Variants in PRKAG2 observed in about 807,000 individuals in gnomAD.
The protein encoded by PRKAG2 is protein kinase AMP-activated non-catalytic subunit gamma 2, also known as 5'-AMP-activated protein kinase subunit gamma-2.
A neutral mutation model predicts 69.6 loss-of-function variants in PRKAG2; 26 were observed. That is an observed-to-expected ratio of 0.37 (90% CI 0.27 to 0.52). PRKAG2 has a LOEUF of 0.52. PRKAG2 is among the 20% of genes least tolerant of loss of function. The pLI is 0.90. For synonymous variants in PRKAG2, 293 were observed against 285.0 expected (o/e 1.03, Z -0.28); for missense variants, 557 against 740.0 (o/e 0.75, Z 2.87).
At chr7:151,802,821 G>A (rs1313340305) in intron 1 of PRKAG2, among the ~76,000 whole-genome samples, 2 of 151,856 alleles carry the variant, frequency 1.3e-5, no homozygotes, top group Non-Finnish European at 1.5e-5. Context: ...TGACCTACAC[G>A]CTGTCCTGGG....
At position 151,800,227 on chromosome 7, in the gene PRKAG2, G is replaced by A. The variant is rs533507620; in HGVS notation, c.115-13686C>T. On this transcript the variant is annotated intron_variant, in intron 1 of 15. Coordinates refer to ENST00000287878, the MANE Select transcript of PRKAG2 (RefSeq NM_016203.4). ...CAAAAAATTAGCCAGGTGTGGTGGC[G>A]GGCACCTGTAGTCCAAGCTACTCGG... 1.1e-3 allele frequency among the ~76,000 whole-genome samples: 166 copies of A among 151,296 alleles called. 1 individual carries two copies. The highest frequency in any genetic ancestry group is 1.8e-3 in the Non-Finnish European group (125 of 67,646).
At position 151,642,672 on chromosome 7, in the gene PRKAG2, T is replaced by A. The variant is rs1227829787; in HGVS notation, c.685-10534A>T. 2.6e-5 allele frequency among the ~76,000 whole-genome samples: 4 copies of A among 152,264 alleles called. No homozygotes were observed. In the East Asian group the frequency reaches 7.7e-4, roughly 29 times the overall value. Reference sequence around the variant, plus strand: ...TCCTCCCTAACATTCATGATTTCTTTAAAGATAATTTATTCCACAGTATCT... The same window carrying A: ...TCCTCCCTAACATTCATGATTTCTTAAAAGATAATTTATTCCACAGTATCT... On this transcript the variant is annotated intron_variant, in intron 4 of 15. Transcript: ENST00000287878.
chr7:151,873,230 G>A (rs1327513886), intron 1 of PRKAG2, among the ~76,000 whole-genome samples: 1 of 152,180 alleles, frequency 6.6e-6, no homozygotes, highest in African/African-American at 2.4e-5. Context: ...GCCCGATTCT[G>A]TGGGGTGCTC....
chr7:151,793,516 G>A (rs1044855729), intron 1 of PRKAG2, among the ~76,000 whole-genome samples: 13 of 152,362 alleles, frequency 8.5e-5, no homozygotes, highest in East Asian at 5.8e-4. Flanking sequence ...GGAAAGCTGC[G>A]TGTGGCATCT....
Position 151,595,435 on chromosome 7 carries a change from A to C in PRKAG2, c.774T>G (p.Ser258Arg). ...ACCTCATGAATCGCATGTAAACACC[A>C]CTTTCTGAGTCTTCTACTGCTAAAA... ...FEDEAVEDSE[S>R]GVYMRFMRSH... The change falls in exon 6 of 16, where the codon AGT (serine) becomes AGG (arginine). Residue 258 changes from serine (S) to arginine (R), a missense_variant. Physicochemically the swap from Ser to Arg is moderately radical, Grantham distance 110 (BLOSUM62 -1). Transcript: ENST00000287878. 1 of 1,613,632 alleles carries C rather than the reference A, an allele frequency of 6.2e-7. No individual in the cohort carries two copies. Among genetic ancestry groups the C allele is most frequent in the East Asian group, 2.2e-5 (1 of 44,886 alleles).
chr7:151,727,570 C>CT (rs1312614127), intron 3 of PRKAG2, among the ~76,000 whole-genome samples: 3 of 152,206 alleles, frequency 2.0e-5, no homozygotes, highest in African/African-American at 4.8e-5. Flanking sequence ...GGGTTTGCTC[C>CT]TTTTTTCTGT....
At chr7:151,682,809 G>A (rs1214385374) in intron 3 of PRKAG2, among the ~76,000 whole-genome samples, 4 of 151,690 alleles carry the variant, frequency 2.6e-5, no homozygotes, top group Non-Finnish European at 4.4e-5. Context: ...GGGAAGAGGA[G>A]AGGGCCTGAG....
At chr7:151,613,414 C>T (rs1399301513) in intron 5 of PRKAG2, among the ~76,000 whole-genome samples, 2 of 152,128 alleles carry the variant, frequency 1.3e-5, no homozygotes, top group Non-Finnish European at 2.9e-5. Context: ...ATTAGGAATG[C>T]TCAACTGGTA....
At chr7:151,755,843 C>A (rs1418034182) in intron 3 of PRKAG2, among the ~76,000 whole-genome samples, 1 of 152,204 alleles carries the variant, frequency 6.6e-6, no homozygotes, top group Non-Finnish European at 1.5e-5. Context: ...CCCTCACGAG[C>A]CTTCCCAGTT....
At chr7:151,701,459 C>T (rs1837669101) in intron 3 of PRKAG2, among the ~76,000 whole-genome samples, 1 of 152,032 alleles carries the variant, frequency 6.6e-6, no homozygotes, top group African/African-American at 2.4e-5. Flanking sequence ...ATCCAGTGGC[C>T]GGTGTCTTTA....
chr7:151,691,933 G>A (rs973621441), intron 3 of PRKAG2, among the ~76,000 whole-genome samples: 9 of 152,138 alleles, frequency 5.9e-5, no homozygotes, highest in African/African-American at 2.2e-4. Flanking sequence ...TAATAAACTG[G>A]TACAGCACTT....
At chr7:151,715,322 C>CAAA (rs34971340) in intron 3 of PRKAG2, among the ~76,000 whole-genome samples, 10,581 of 62,388 alleles carry the variant, frequency 0.17, 1,583 homozygotes, top group Non-Finnish European at 0.23. Flanking sequence ...GGCCTAAAAG[C>CAAA]AAAAAAAAAA....
chr7:151,598,628 C>G (rs1815222091), intron 5 of PRKAG2, among the ~76,000 whole-genome samples: 1 of 150,590 alleles, frequency 6.6e-6, no homozygotes, highest in Non-Finnish European at 1.5e-5. Flanking sequence ...AAAGCAAATG[C>G]AAATAGAAAA....
At chr7:151,754,122 C>T (rs2074904008) in intron 3 of PRKAG2, among the ~76,000 whole-genome samples, 1 of 152,218 alleles carries the variant, frequency 6.6e-6, no homozygotes, top group Non-Finnish European at 1.5e-5. Flanking sequence ...CAAAGCAGGC[C>T]CTGAGAGAAC....
intron 1 of PRKAG2, among the ~76,000 whole-genome samples, chr7:151,838,157 T>G (rs746781343): frequency 3.4e-4 from 51 of 152,144 alleles, no homozygotes; most frequent in Non-Finnish European, 1.3e-4. Context: ...CCTTTATTTC[T>G]AGAAGCAACG....
intron 14 of PRKAG2, among the ~76,000 whole-genome samples, chr7:151,563,715 G>A (rs1805596805): frequency 6.6e-6 from 1 of 152,186 alleles, no homozygotes; most frequent in South Asian, 2.1e-4. Context: ...TATTAGCTAT[G>A]ACTACAGGTC....
intron 1 of PRKAG2, among the ~76,000 whole-genome samples, chr7:151,870,632 C>G (rs1018392329): frequency 6.6e-6 from 1 of 152,186 alleles, no homozygotes; most frequent in Non-Finnish European, 1.5e-5. Context: ...CCTCCAGCCC[C>G]GGGGCAGGAC....
At chr7:151,651,678 C>G (rs756361311) in intron 4 of PRKAG2, among the ~76,000 whole-genome samples, 29 of 152,258 alleles carry the variant, frequency 1.9e-4, no homozygotes, top group Middle Eastern at 3.4e-3. Context: ...GGTAAGTAGG[C>G]TCCGAAAAGT....
At chr7:151,654,975 G>A (rs1335803077) in intron 4 of PRKAG2, among the ~76,000 whole-genome samples, 3 of 152,178 alleles carry the variant, frequency 2.0e-5, no homozygotes, top group Admixed American at 6.5e-5. Context: ...TTACAGACAT[G>A]AGCCACCATG....
Sources: gnomAD v4.1 joint callset for allele counts (sites outside exome capture counted in the v4.1 genomes callset) on GRCh38, gnomAD v4.1.1 for gene constraint, MANE v1.5 for transcripts, NCBI Gene and HGNC (gene_info 2026-07-23, HGNC 2026-07-21) for gene names.